RCBTB2: variants seen among roughly 807,000 people sequenced by gnomAD.
The protein encoded by RCBTB2 is RCC1 and BTB domain-containing protein 2.
A neutral mutation model predicts 65.4 loss-of-function variants in RCBTB2; 55 were observed. That is an observed-to-expected ratio of 0.84 (90% confidence interval 0.68 to 1.05). The LOEUF (loss-of-function observed/expected upper bound fraction) is 1.05, where lower values mean the gene tolerates loss of function less well. RCBTB2 is among the 50% of genes least tolerant of loss of function. RCBTB2 has a pLI of 0.00. For missense variants in RCBTB2, 599 were observed against 680.1 expected (o/e 0.88, Z 1.33); for synonymous variants, 220 against 255.2 (o/e 0.86, Z 1.31).
chr13:48,518,472 A>AT (rs1555307423), intron 4 of RCBTB2, among the ~76,000 whole-genome samples: 2,405 of 116,352 alleles, frequency 0.021, 30 homozygotes, highest in Middle Eastern at 0.03. Context: ...AAAAAAAAAA[A>AT]ATATATATAT....
chr13:48,494,935 C>CA (rs1328620290), intron 14 of RCBTB2, among the ~76,000 whole-genome samples: 2 of 151,852 alleles, frequency 1.3e-5, no homozygotes, highest in African/African-American at 4.8e-5. Flanking sequence ...TGACATAAAA[C>CA]AAAAACTCAG....
At chr13:48,494,373 A>C (rs1937910053) in intron 14 of RCBTB2, among the ~76,000 whole-genome samples, 3 of 152,226 alleles carry the variant, frequency 2.0e-5, no homozygotes, top group Admixed American at 2.0e-4. Flanking sequence ...TTTTACTTAT[A>C]GTCTATTATA....
chr13:48,493,261 T>A (rs1361098410), intron 14 of RCBTB2, among the ~76,000 whole-genome samples: 2,875 of 99,864 alleles, frequency 0.029, 120 homozygotes, highest in African/African-American at 0.18. Context: ...ACACACACAC[T>A]CTTCTCTCTC....
chr13:48,502,625 A>T, intron 11 of RCBTB2, 99 bp downstream of exon 11: 1 of 1,188,192 alleles, frequency 8.4e-7, no homozygotes, highest in Non-Finnish European at 1.2e-6. Flanking sequence ...GAAATAAATT[A>T]TGATAGTGCA....
intron 10 of RCBTB2, among the ~76,000 whole-genome samples, chr13:48,507,139 G>A (rs530372069): frequency 6.6e-6 from 1 of 152,370 alleles, no homozygotes; most frequent in Admixed American, 6.5e-5. Context: ...CCGGGGCATG[G>A]CCTTGTGACA....
intron 7 of RCBTB2, 82 bp from the exon 8 acceptor site, chr13:48,512,256 C>T (rs527737510): frequency 1.6e-6 from 2 of 1,222,670 alleles, no homozygotes; most frequent in African/African-American, 1.5e-5. Flanking sequence ...CTTGTGGCAC[C>T]GAGTCTTTCC....
intron 13 of RCBTB2, among the ~76,000 whole-genome samples, chr13:48,498,469 G>A (rs1462427396): frequency 2.0e-5 from 3 of 152,004 alleles, no homozygotes; most frequent in Admixed American, 6.6e-5. Flanking sequence ...AGTGGCTCAC[G>A]CCTGTAATCC....
At chr13:48,499,142 A>ACTCTCTCT (rs568053175) in intron 13 of RCBTB2, among the ~76,000 whole-genome samples, 92 of 132,372 alleles carry the variant, frequency 7.0e-4, no homozygotes, top group African/African-American at 2.5e-3. Context: ...ACACACACAC[A>ACTCTCTCT]CTCTCTCTCT....
At chr13:48,530,812 T>C (rs1240833223) in intron 1 of RCBTB2, among the ~76,000 whole-genome samples, 5 of 152,260 alleles carry the variant, frequency 3.3e-5, no homozygotes, top group African/African-American at 9.6e-5. Flanking sequence ...ATTTGAACTC[T>C]TATTTAGGAA....
intron 14 of RCBTB2, among the ~76,000 whole-genome samples, chr13:48,493,488 T>G (rs1046654348): frequency 6.6e-6 from 1 of 151,988 alleles, no homozygotes; most frequent in African/African-American, 2.4e-5. Context: ...CTTGGAACTC[T>G]GATTCCTGAA....
intron 1 of RCBTB2, among the ~76,000 whole-genome samples, chr13:48,525,952 C>A (rs911523805): frequency 6.6e-6 from 1 of 151,976 alleles, no homozygotes. Context: ...GGAATTTTTT[C>A]GTGGGGAAGT....
intron 14 of RCBTB2, among the ~76,000 whole-genome samples, chr13:48,491,320 G>A (rs1200496920): frequency 6.6e-6 from 1 of 152,136 alleles, no homozygotes; most frequent in Non-Finnish European, 1.5e-5. Flanking sequence ...AGAAAAGAAA[G>A]AAACTATACT....
intron 14 of RCBTB2, among the ~76,000 whole-genome samples, chr13:48,494,213 T>A (rs1949874201): frequency 6.6e-6 from 1 of 152,212 alleles, no homozygotes; most frequent in Admixed American, 6.5e-5. Flanking sequence ...CTGGCTCATA[T>A]TAATTATGTA....
intron 4 of RCBTB2, 116 bp downstream of exon 4, chr13:48,521,782 C>A: frequency 1.1e-6 from 1 of 898,718 alleles, no homozygotes; most frequent in South Asian, 1.5e-5. Flanking sequence ...CACTGTGAGC[C>A]CCTCAAAGAT....
At chr13:48,523,877 C>T (rs1429587326) in intron 2 of RCBTB2, among the ~76,000 whole-genome samples, 1 of 152,062 alleles carries the variant, frequency 6.6e-6, no homozygotes, top group African/African-American at 2.4e-5. Flanking sequence ...GGAAAACAGG[C>T]CATTCTGTTT....
rs1243338191 is a variant in RCBTB2 at position 48,489,531 on chromosome 13, T to C, written c.*580A>G. ...GTCAATTCTAAACAATGTTCTAAAT[T>C]AGCCACAATTTCTCAGAATGATATA... On this transcript the variant is annotated 3_prime_UTR_variant, in exon 15 of 15. Coordinates refer to ENST00000344532, the MANE Select transcript of RCBTB2 (RefSeq NM_001268.4). The C allele has an allele frequency of 6.6e-6, 1 of 152,300 alleles. No individual in the cohort carries two copies. The highest frequency in any genetic ancestry group is 1.5e-5 in the Non-Finnish European group (1 of 68,086). 9.4% of individuals were successfully genotyped at this position (152,300 alleles called of 1,614,324 possible).
At position 48,490,228 on chromosome 13, in the gene RCBTB2, C is replaced by T; in HGVS notation, c.1539G>A (p.Arg513=). ...CTACAGTCAGATGGTTTATGCAAAA[C>T]CTGAAGCAGAATTCTTCTAAATCCT... ...DAQDLEEFCF[R]FCINHLTVVT... is the part of the protein sequence containing the mutation. The change falls in exon 15 of 15, where the codon AGG becomes AGA. Residue 513 remains arginine (R), a synonymous_variant. Transcript: ENST00000344532. The T allele has an allele frequency of 1.2e-6, 2 of 1,613,586 alleles. No homozygotes were observed. The highest frequency in any genetic ancestry group is 1.7e-6 in the Non-Finnish European group (2 of 1,179,666).
chr13:48,519,472 G>T (rs985100250), intron 4 of RCBTB2, among the ~76,000 whole-genome samples: 2 of 152,114 alleles, frequency 1.3e-5, no homozygotes, highest in Non-Finnish European at 2.9e-5. Context: ...TTAGTTCTAG[G>T]CTTTCTTCCT....
Position 48,515,596 on chromosome 13 carries a change from A to T in RCBTB2, c.188T>A (p.Val63Glu), listed in dbSNP as rs1951039782. ...SAGNEVLYTTVNDEIFVLGTN... is the reference protein window; with the variant it reads ...SAGNEVLYTTENDEIFVLGTN... ...TTTCTTCAAAATTACCTCATCATTT[A>T]CTGTAGTGTATAAAACTTCATTGCC... Residue 63 changes from valine to glutamate, a missense_variant, in exon 5 of 15, where the codon GTA becomes GAA. Val to Glu is a moderately radical substitution (Grantham distance 121). Transcript: ENST00000344532. The T allele has an allele frequency of 6.3e-7, 1 of 1,599,664 alleles. No individual in the cohort carries two copies. Among genetic ancestry groups the T allele is most frequent in the Admixed American group, 1.8e-5 (1 of 55,518 alleles).
Sources: allele counts gnomAD v4.1 joint callset (sites outside exome capture counted in the v4.1 genomes callset), GRCh38; gene constraint gnomAD v4.1.1; transcripts MANE v1.5; gene names NCBI Gene and HGNC (gene_info 2026-07-23, HGNC 2026-07-21).